GRM7: variants seen among roughly 807,000 people sequenced by gnomAD.
GRM7 encodes the protein metabotropic glutamate receptor 7.
GRM7 carries 35 observed loss-of-function variants against 84.5 expected under a neutral mutation model. That is an observed-to-expected ratio of 0.41 (90% CI 0.32 to 0.55). GRM7 has a LOEUF of 0.55. GRM7 is among the 20% of genes least tolerant of loss of function. The pLI is 0.19. For synonymous variants in GRM7, 487 were observed against 455.1 expected (o/e 1.07, Z -0.89); for missense variants, 1,003 against 1,194.6 (o/e 0.84, Z 2.36).
chr3:7,657,658 G>C (rs1216352713), intron 8 of GRM7, among the ~76,000 whole-genome samples: 1 of 152,084 alleles, frequency 6.6e-6, no homozygotes, highest in African/African-American at 2.4e-5. Context: ...TGGAAGGGTT[G>C]AGCTCTCAGA....
chr3:7,364,274 C>T (rs1321863979), intron 4 of GRM7, among the ~76,000 whole-genome samples: 1 of 151,768 alleles, frequency 6.6e-6, no homozygotes, highest in Non-Finnish European at 1.5e-5. Flanking sequence ...GACTCCTTTA[C>T]CCCATTAAGA....
chr3:6,894,305 G>T (rs138361674), intron 1 of GRM7, among the ~76,000 whole-genome samples: 2 of 152,172 alleles, frequency 1.3e-5, no homozygotes, highest in East Asian at 3.9e-4. Flanking sequence ...TTTAGATGAA[G>T]ATGCTATGAA....
At position 7,348,478 on chromosome 3, in the gene GRM7, T is replaced by G. The variant is rs114044554; in HGVS notation, c.1033+41826T>G. Among the ~76,000 whole-genome samples, 859 of 152,286 alleles carry G rather than the reference T, an allele frequency of 5.6e-3. 7 individuals are homozygous for G. Among genetic ancestry groups the G allele is most frequent in the African/African-American group, 0.02 (824 of 41,580 alleles). On this transcript the variant is annotated intron_variant, in intron 4 of 9. Coordinates refer to ENST00000357716, the MANE Select transcript of GRM7 (RefSeq NM_000844.4). ...GCTCATGTTATCCCAGAATATTCCTTATTCATTTTCTCTCTCTTTTATTTG... is the reference window on the plus strand; with the variant it reads ...GCTCATGTTATCCCAGAATATTCCTGATTCATTTTCTCTCTCTTTTATTTG...
At chr3:7,600,411 T>C (rs1458049964) in intron 8 of GRM7, among the ~76,000 whole-genome samples, 1 of 152,120 alleles carries the variant, frequency 6.6e-6, no homozygotes, top group African/African-American at 2.4e-5. Context: ...ATTTGATAAT[T>C]CTATTTGGAT....
intron 1 of GRM7, among the ~76,000 whole-genome samples, chr3:7,058,963 A>G (rs1559411980): frequency 1.3e-5 from 2 of 151,922 alleles, no homozygotes; most frequent in African/African-American, 2.4e-5. Flanking sequence ...TTGGACTAGT[A>G]TAAGCATGCC....
chr3:7,325,084 C>A (rs1700933894), intron 4 of GRM7, among the ~76,000 whole-genome samples: 1 of 152,160 alleles, frequency 6.6e-6, no homozygotes. Flanking sequence ...GCCTTGCAGA[C>A]CACCTGCTTC....
chr3:7,133,585 T>G (rs561288575), intron 1 of GRM7, among the ~76,000 whole-genome samples: 1 of 152,324 alleles, frequency 6.6e-6, no homozygotes, highest in Admixed American at 6.5e-5. Flanking sequence ...GCTAGCAAAA[T>G]ACCTCAAAAG....
intron 2 of GRM7, among the ~76,000 whole-genome samples, chr3:7,205,679 A>T (rs976287609): frequency 6.6e-6 from 1 of 152,244 alleles, no homozygotes; most frequent in Non-Finnish European, 1.5e-5. Flanking sequence ...CTGGGTAATT[A>T]TGTGGTATGG....
intron 1 of GRM7, among the ~76,000 whole-genome samples, chr3:7,015,849 T>C (rs562922131): frequency 6.6e-5 from 10 of 152,328 alleles, no homozygotes; most frequent in African/African-American, 2.4e-4. Flanking sequence ...AGAGTGCCTT[T>C]GATAACTTAG....
chr3:7,594,842 A>G (rs949111705), intron 8 of GRM7, among the ~76,000 whole-genome samples: 1 of 152,148 alleles, frequency 6.6e-6, no homozygotes, highest in East Asian at 1.9e-4. Flanking sequence ...AAGCCAGCAG[A>G]TGGTGAGTTA....
chr3:6,914,674 TACAGGTGTGAGCCA>T (rs371693718), intron 1 of GRM7, among the ~76,000 whole-genome samples: 5,950 of 152,266 alleles, frequency 0.039, 415 homozygotes, highest in African/African-American at 0.13. Flanking sequence ...GTACTGAGAT[TACAGGTGTGAGCCA>T]CCGTGCCCGG....
At chr3:6,901,625 AAAAAAAAAAAAAT>A (rs1354287724) in intron 1 of GRM7, among the ~76,000 whole-genome samples, 2,605 of 141,676 alleles carry the variant, frequency 0.018, 105 homozygotes, top group African/African-American at 0.065. Flanking sequence ...AAAAAAAAAA[AAAAAAAAAAAAAT>A]ATGTAGAATA....
At chr3:7,374,520 C>T (rs770737614) in intron 4 of GRM7, among the ~76,000 whole-genome samples, 2 of 151,748 alleles carry the variant, frequency 1.3e-5, no homozygotes, top group Non-Finnish European at 2.9e-5. Context: ...TTCTTGTTGC[C>T]CAGGCTGGAG....
At chr3:7,533,732 A>G (rs1459395743) in intron 7 of GRM7, among the ~76,000 whole-genome samples, 1 of 152,216 alleles carries the variant, frequency 6.6e-6, no homozygotes, top group African/African-American at 2.4e-5. Flanking sequence ...AGGAGACTCA[A>G]TGAAGTGAAA....
chr3:6,877,749 A>G (rs778006604), intron 1 of GRM7, among the ~76,000 whole-genome samples: 1 of 152,106 alleles, frequency 6.6e-6, no homozygotes, highest in Middle Eastern at 3.4e-3. Context: ...AAATTTTCAT[A>G]TAGATGGACA....
intron 1 of GRM7, among the ~76,000 whole-genome samples, chr3:6,913,973 C>T (rs1696859870): frequency 2.0e-5 from 3 of 152,126 alleles, no homozygotes; most frequent in Admixed American, 6.5e-5. Context: ...TAAAAACTCC[C>T]TCCCATTATA....
At chr3:7,190,581 T>C (rs984627280) in intron 2 of GRM7, among the ~76,000 whole-genome samples, 20 of 152,312 alleles carry the variant, frequency 1.3e-4, no homozygotes, top group African/African-American at 4.6e-4. Flanking sequence ...CAACTCCTAC[T>C]AACGAGGTGC....
At chr3:7,542,999 C>T (rs1692963941) in intron 7 of GRM7, among the ~76,000 whole-genome samples, 1 of 152,124 alleles carries the variant, frequency 6.6e-6, no homozygotes, top group Non-Finnish European at 1.5e-5. Flanking sequence ...TCTCTGGTTC[C>T]CCACAATTGC....
chr3:7,072,291 G>A (rs561791181), intron 1 of GRM7, among the ~76,000 whole-genome samples: 1 of 152,078 alleles, frequency 6.6e-6, no homozygotes, highest in African/African-American at 2.4e-5. Flanking sequence ...GTGAAACTCT[G>A]AGACCTTAAA....
Sources: allele counts gnomAD v4.1 joint callset (sites outside exome capture counted in the v4.1 genomes callset), GRCh38; gene constraint gnomAD v4.1.1; transcripts MANE v1.5; gene names NCBI Gene and HGNC (gene_info 2026-07-23, HGNC 2026-07-21).